CFI: variants seen among roughly 807,000 people sequenced by gnomAD.
CFI encodes the protein C3B/C4B inactivator.
In CFI, 66 loss-of-function variants were observed where a neutral mutation model predicts 78.8. The ratio of observed to expected loss-of-function variants is 0.84; its 90% CI spans 0.69 to 1.03. The LOEUF is 1.03. CFI is among the 50% of genes least tolerant of loss of function. The pLI, the probability that CFI is intolerant of heterozygous loss-of-function variation, is 0.00. For missense variants in CFI, 706 were observed against 704.5 expected (o/e 1.00, Z -0.02); for synonymous variants, 250 against 232.6 (o/e 1.07, Z -0.68).
chr4:109,744,117 A>G (rs1579158936), intron 11 of CFI, among the ~76,000 whole-genome samples: 1 of 152,348 alleles, frequency 6.6e-6, no homozygotes, highest in Non-Finnish European at 1.5e-5. Flanking sequence ...AGATTAAAAC[A>G]TTTAAGAAAA....
At chr4:109,767,192 A>T (rs567298601) in intron 1 of CFI, among the ~76,000 whole-genome samples, 123 of 152,294 alleles carry the variant, frequency 8.1e-4, no homozygotes, top group African/African-American at 2.7e-3. Context: ...AAGAAAACCT[A>T]GGCAATACCA....
rs559848759 is a variant in CFI at position 109,795,698 on chromosome 4, A to G, written c.57+6217T>C. On this transcript the variant is annotated intron_variant, in intron 1 of 12. Transcript: ENST00000394634. ...GAACCAAAGAGAAATTTTGGAGGTG[A>G]AAATAATACAATAAAGGAACTGAAA... Among the ~76,000 whole-genome samples the G allele has an allele frequency of 1.9e-4, 29 of 152,312 alleles. No homozygotes were observed. The East Asian group carries it at 4.8e-3, about 25-fold the overall frequency.
At chr4:109,796,817 A>C (rs981175250) in intron 1 of CFI, among the ~76,000 whole-genome samples, 9 of 152,162 alleles carry the variant, frequency 5.9e-5, no homozygotes, top group African/African-American at 2.2e-4. Context: ...AAACAATCTC[A>C]TTTACAATAG....
Position 109,796,222 on chromosome 4 carries a change from A to C in CFI, c.57+5693T>G, listed in dbSNP as rs184308967. Among the ~76,000 whole-genome samples, 6 of 152,300 alleles carry C rather than the reference A, an allele frequency of 3.9e-5. No individual in the cohort carries two copies. The East Asian group carries it at 1.2e-3, about 29-fold the overall frequency. ...CAGGAAAGAGTGGGATAATATATTC[A>C]AAGTGTCATAACGAAGAAACAAAAA... On this transcript the variant is annotated intron_variant, in intron 1 of 12. Transcript: ENST00000394634.
intron 7 of CFI, among the ~76,000 whole-genome samples, chr4:109,752,882 A>ATATAATATATATTATATAAATAAATATT (rs1725310140): frequency 9.2e-6 from 1 of 108,502 alleles, no homozygotes; most frequent in African/African-American, 3.3e-5. Context: ...ATAAAATATT[A>ATATAATATATATTATATAAATAAATATT]TATAATATAT....
chr4:109,763,711 C>T (rs987663884), intron 3 of CFI, among the ~76,000 whole-genome samples: 6 of 151,886 alleles, frequency 4.0e-5, no homozygotes, highest in African/African-American at 1.4e-4. Flanking sequence ...TAGAACCCTG[C>T]ACGTGGAGCA....
At chr4:109,753,984 T>A (rs187480810) in intron 7 of CFI, among the ~76,000 whole-genome samples, 5,872 of 145,868 alleles carry the variant, frequency 0.04, 171 homozygotes, top group South Asian at 0.1. Context: ...TATTTTAAAA[T>A]ATATATATAT....
At chr4:109,776,777 G>A (rs1053816700) in intron 1 of CFI, among the ~76,000 whole-genome samples, 5 of 152,204 alleles carry the variant, frequency 3.3e-5, no homozygotes, top group Non-Finnish European at 7.3e-5. Flanking sequence ...GGATCTCTCC[G>A]CAGAAACTCT....
intron 1 of CFI, among the ~76,000 whole-genome samples, chr4:109,787,813 G>T (rs1226051323): frequency 6.6e-6 from 1 of 151,714 alleles, no homozygotes; most frequent in Non-Finnish European, 1.5e-5. Context: ...TAGTTTTCTG[G>T]TCTTGTTTTT....
At chr4:109,801,326 T>C (rs2125882369) in intron 1 of CFI, among the ~76,000 whole-genome samples, 1 of 152,324 alleles carries the variant, frequency 6.6e-6, no homozygotes, top group Non-Finnish European at 1.5e-5. Flanking sequence ...TCACCACTGA[T>C]CACATGTAAT....
At chr4:109,771,329 G>A (rs897033383) in intron 1 of CFI, among the ~76,000 whole-genome samples, 2 of 152,042 alleles carry the variant, frequency 1.3e-5, no homozygotes, top group Admixed American at 6.6e-5. Context: ...TGCTGAGGCA[G>A]GCAGATTGCC....
chr4:109,746,113 A>C (rs1318150607), intron 11 of CFI, 109 bp downstream of exon 11: 1 of 1,291,798 alleles, frequency 7.7e-7, no homozygotes, highest in Non-Finnish European at 1.1e-6. Context: ...ACTTTTCTGG[A>C]TATGATGTTA....
Position 109,766,551 on chromosome 4 carries a change from T to TTC in CFI, c.328+2_328+3insGA, listed in dbSNP as rs1173118364. 4 of 1,614,058 alleles carry TTC rather than the reference T, an allele frequency of 2.5e-6. No individual in the cohort carries two copies. The highest frequency in any genetic ancestry group is 3.4e-6 in the Non-Finnish European group (4 of 1,180,000). On this transcript the variant is annotated splice_region_variant and intron_variant, in intron 2 of 12. Transcript: ENST00000394634. Reference sequence around the variant, plus strand: ...AATGACTTGAAAACTAGTCTCTTGCTACCTTCGGCTGTGCATGTTCCGTTA... The same window carrying TTC: ...AATGACTTGAAAACTAGTCTCTTGCTTCACCTTCGGCTGTGCATGTTCCGTTA...
chr4:109,736,492 G>T (rs1177967066), downstream of CFI, among the ~76,000 whole-genome samples: 3 of 152,168 alleles, frequency 2.0e-5, no homozygotes, highest in Admixed American at 1.3e-4. Flanking sequence ...TAGCTTTCAA[G>T]CTGGGACAAA....
intron 12 of CFI, 45 bp from the exon 13 acceptor site, chr4:109,741,155 T>G: frequency 6.2e-7 from 1 of 1,612,886 alleles, no homozygotes; most frequent in Non-Finnish European, 8.5e-7. Flanking sequence ...TTCCTTCCAT[T>G]TTTCAAGGCT....
intron 10 of CFI, among the ~76,000 whole-genome samples, chr4:109,748,109 G>A (rs1035838714): frequency 5.3e-5 from 8 of 152,106 alleles, no homozygotes; most frequent in African/African-American, 1.9e-4. Flanking sequence ...CTTTACATAA[G>A]GGTGATTCAG....
At chr4:109,780,832 T>A (rs1247243952) in intron 1 of CFI, among the ~76,000 whole-genome samples, 1 of 152,114 alleles carries the variant, frequency 6.6e-6, no homozygotes, top group South Asian at 2.1e-4. Flanking sequence ...AATTGATGAG[T>A]TCATGTCCTT....
At chr4:109,731,497 C>T in the CFI span, among the ~76,000 whole-genome samples, 1 of 152,178 alleles carries the variant, frequency 6.6e-6, no homozygotes, top group Non-Finnish European at 1.5e-5. Context: ...TTACATCCCT[C>T]TTTATTGAGT....
intron 7 of CFI, among the ~76,000 whole-genome samples, chr4:109,754,166 T>C (rs190231996): frequency 1.3e-5 from 2 of 151,324 alleles, no homozygotes; most frequent in African/African-American, 4.8e-5. Flanking sequence ...GTATTTTTAG[T>C]AGAAACAGGG....
Sources: allele counts gnomAD v4.1 joint callset (sites outside exome capture counted in the v4.1 genomes callset), GRCh38; gene constraint gnomAD v4.1.1; transcripts MANE v1.5; gene names NCBI Gene and HGNC (gene_info 2026-07-23, HGNC 2026-07-21).